The following PTPRD variants were observed in gnomAD, a reference collection of about 807,000 sequenced individuals.
PTPRD encodes the protein protein tyrosine phosphatase receptor type D.
PTPRD carries 34 observed loss-of-function variants against 214.5 expected under a neutral mutation model. The observed-to-expected ratio is 0.16, with a 90% confidence interval of 0.12 to 0.21. The LOEUF (loss-of-function observed/expected upper bound fraction) is 0.21, where lower values mean the gene tolerates loss of function less well. Among genes scored for constraint, PTPRD ranks in the 10% least tolerant of loss-of-function variants. The pLI is 1.00. For synonymous variants in PTPRD, 1,128 were observed against 845.7 expected, an observed-to-expected ratio of 1.33 and a Z score of -5.79; for missense variants, 2,545 against 2,398.7, an observed-to-expected ratio of 1.06 and a Z score of -1.27.
intron 11 of PTPRD, among the ~76,000 whole-genome samples, chr9:9,006,762 G>A (rs2099471220): frequency 6.6e-6 from 1 of 151,912 alleles, no homozygotes; most frequent in Non-Finnish European, 1.5e-5. Flanking sequence ...ATTAATTGGA[G>A]TTCAAATGAC....
rs978830072 is a variant in PTPRD at position 10,601,260 on chromosome 9, C to T, written c.-600+11138G>A. ...GCCATCCAAGTAATATTTGGTAAGG[C>T]CTTGAAGTAAAGTTATGGCCAAAGG... On this transcript the variant is annotated intron_variant, in intron 2 of 45. Coordinates refer to ENST00000381196, the MANE Select transcript of PTPRD (RefSeq NM_002839.4). 2.6e-5 allele frequency among the ~76,000 whole-genome samples: 4 copies of T among 151,282 alleles called. 1 individual carries two copies. Among genetic ancestry groups the T allele is most frequent in the Admixed American group, 1.3e-4 (2 of 15,148 alleles).
At chr9:9,819,893 T>A (rs770112174) in intron 5 of PTPRD, among the ~76,000 whole-genome samples, 13 of 152,156 alleles carry the variant, frequency 8.5e-5, no homozygotes, top group Non-Finnish European at 1.9e-4. Flanking sequence ...TTCAGTCCAT[T>A]GTTGATGGAC....
intron 11 of PTPRD, among the ~76,000 whole-genome samples, chr9:8,812,930 G>C (rs542361633): frequency 6.6e-6 from 1 of 152,000 alleles, no homozygotes; most frequent in South Asian, 2.1e-4. Context: ...GGAGTGACTA[G>C]CCCAGTAGAT....
At chr9:9,655,814 C>G (rs2096496793) in intron 7 of PTPRD, among the ~76,000 whole-genome samples, 1 of 148,666 alleles carries the variant, frequency 6.7e-6, no homozygotes, top group Non-Finnish European at 1.5e-5. Flanking sequence ...CCCATGTCTA[C>G]TAAAAATGCA....
At chr9:9,925,139 A>G (rs2083821868) in intron 5 of PTPRD, among the ~76,000 whole-genome samples, 1 of 152,158 alleles carries the variant, frequency 6.6e-6, no homozygotes, top group Non-Finnish European at 1.5e-5. Flanking sequence ...GCAGTACAAA[A>G]TTAAATTATC....
chr9:10,318,051 T>C (rs968618827), intron 3 of PTPRD, among the ~76,000 whole-genome samples: 5 of 151,992 alleles, frequency 3.3e-5, no homozygotes, highest in Non-Finnish European at 7.4e-5. Flanking sequence ...TGTTGCTACG[T>C]TTTTTCCCCT....
At chr9:10,599,529 G>A (rs1023855776) in intron 2 of PTPRD, among the ~76,000 whole-genome samples, 5 of 151,700 alleles carry the variant, frequency 3.3e-5, no homozygotes, top group Admixed American at 6.6e-5. Flanking sequence ...AAAACTTGGG[G>A]ACAGGGTGGT....
At chr9:10,192,302 G>A (rs1279428736) in intron 3 of PTPRD, among the ~76,000 whole-genome samples, 2 of 151,968 alleles carry the variant, frequency 1.3e-5, no homozygotes, top group Admixed American at 6.6e-5. Flanking sequence ...CTCTGTAGTT[G>A]TTTCATATGG....
At chr9:8,757,075 G>T (rs955200823) in intron 11 of PTPRD, among the ~76,000 whole-genome samples, 3 of 152,240 alleles carry the variant, frequency 2.0e-5, no homozygotes, top group African/African-American at 7.2e-5. Flanking sequence ...CTGGGAGGCA[G>T]AGGTTGCAAC....
rs376395475 is a variant in PTPRD, at chr9:10,538,603, A to T, written c.-600+73795T>A. ...GACTGTGCTATAAATTATATAAGACAGGAACACTGATTCTCCCCTCTCATC... is the reference window on the plus strand; with the variant it reads ...GACTGTGCTATAAATTATATAAGACTGGAACACTGATTCTCCCCTCTCATC... On this transcript the variant is annotated intron_variant, in intron 2 of 45. Coordinates refer to ENST00000381196, the MANE Select transcript of PTPRD (RefSeq NM_002839.4). Among the ~76,000 whole-genome samples the T allele has an allele frequency of 2.6e-5, 4 of 152,298 alleles. No homozygotes were observed. In the East Asian group the frequency reaches 5.8e-4, roughly 22 times the overall value.
chr9:9,102,086 T>A (rs775982366), intron 10 of PTPRD, among the ~76,000 whole-genome samples: 1 of 152,172 alleles, frequency 6.6e-6, no homozygotes, highest in African/African-American at 2.4e-5. Flanking sequence ...GCATACAGAC[T>A]CTTCTTTTAA....
chr9:9,740,404 C>G (rs1248380021), intron 6 of PTPRD, among the ~76,000 whole-genome samples: 4 of 150,686 alleles, frequency 2.7e-5, no homozygotes, highest in Admixed American at 1.3e-4. Context: ...GTCGCCCAGG[C>G]TGGAGTGCAG....
At chr9:8,583,239 C>T (rs150686299) in intron 14 of PTPRD, among the ~76,000 whole-genome samples, 17 of 152,276 alleles carry the variant, frequency 1.1e-4, no homozygotes, top group Admixed American at 2.0e-4. Context: ...ATCTCTTGTC[C>T]GCTGCTCACC....
In PTPRD at chr9:9,842,298, A is replaced by ATTTTTTTTTTT. The variant is rs138386194; in HGVS notation, c.-367-75458_-367-75448dup. 4.5e-4 allele frequency among the ~76,000 whole-genome samples: 41 copies of ATTTTTTTTTTT among 91,398 alleles called. 1 individual carries two copies. The highest frequency in any genetic ancestry group is 8.2e-4 in the African/African-American group (20 of 24,378). The allele number at this position is 91,398 out of a possible 152,430, so 60.0% of individuals were successfully genotyped here. A position where few individuals can be genotyped will look rare whatever the true frequency, so the allele number is the denominator to read the frequency against. ...AACTCAAAGTCTACTGAAGGAGAGC[A>ATTTTTTTTTTT]TTTTTTTTTTTTTTTTTTTTTTTTG... is the stretch of plus-strand genomic sequence containing the variant. On this transcript the variant is annotated intron_variant, in intron 5 of 45. Transcript: ENST00000381196.
chr9:9,530,754 G>A (rs914031352), intron 8 of PTPRD, among the ~76,000 whole-genome samples: 2 of 152,102 alleles, frequency 1.3e-5, no homozygotes, highest in Non-Finnish European at 2.9e-5. Context: ...TGGAACAGAG[G>A]TGATATTAAG....
chr9:9,463,918 CA>C (rs1450877322), intron 8 of PTPRD, among the ~76,000 whole-genome samples: 3 of 152,158 alleles, frequency 2.0e-5, no homozygotes, highest in Non-Finnish European at 4.4e-5. Context: ...CAGATCACCA[CA>C]TTTGGACAGT....
intron 2 of PTPRD, among the ~76,000 whole-genome samples, chr9:10,564,719 T>G (rs1390279804): frequency 1.3e-5 from 2 of 152,194 alleles, no homozygotes; most frequent in African/African-American, 4.8e-5. Context: ...TTTGCTGTTC[T>G]AGCCTTTCAA....
At chr9:10,563,155 T>C (rs1347927314) in intron 2 of PTPRD, among the ~76,000 whole-genome samples, 3 of 152,106 alleles carry the variant, frequency 2.0e-5, no homozygotes, top group Non-Finnish European at 4.4e-5. Context: ...CTAGGACAAA[T>C]ACAGCATTCC....
intron 10 of PTPRD, among the ~76,000 whole-genome samples, chr9:9,136,575 C>A (rs990093899): frequency 1.3e-5 from 2 of 151,968 alleles, no homozygotes; most frequent in African/African-American, 4.8e-5. Context: ...TATGTGAAAT[C>A]AAGAGTAACT....
Sources: allele counts gnomAD v4.1 joint callset (sites outside exome capture counted in the v4.1 genomes callset), GRCh38; gene constraint gnomAD v4.1.1; transcripts MANE v1.5; gene names NCBI Gene and HGNC (gene_info 2026-07-23, HGNC 2026-07-21).